Variants in ATP8A2 observed in about 807,000 individuals in gnomAD.
ATP8A2 encodes the protein ATPase phospholipid transporting 8A2.
A neutral mutation model predicts 165.6 loss-of-function variants in ATP8A2; 100 were observed. The ratio of observed to expected loss-of-function variants is 0.60; its 90% CI spans 0.51 to 0.71. The LOEUF (loss-of-function observed/expected upper bound fraction) is 0.71, where lower values mean the gene tolerates loss of function less well. ATP8A2 is among the 30% of genes least tolerant of loss of function. ATP8A2 has a pLI of 0.00. For synonymous variants in ATP8A2, 543 were observed against 548.8 expected (o/e 0.99, Z 0.15); for missense variants, 1,227 against 1,479.5 (o/e 0.83, Z 2.80).
At chr13:25,650,770 A>G (rs1490257118) in intron 24 of ATP8A2, among the ~76,000 whole-genome samples, 1 of 151,910 alleles carries the variant, frequency 6.6e-6, no homozygotes, top group Non-Finnish European at 1.5e-5. Flanking sequence ...TTCTTTTTTA[A>G]TCTTTTGATT....
chr13:25,712,747 T>G (rs2137987049), intron 25 of ATP8A2, among the ~76,000 whole-genome samples: 1 of 152,350 alleles, frequency 6.6e-6, no homozygotes, highest in Middle Eastern at 3.4e-3. Context: ...GAATTTTTAG[T>G]CAACTGGAGT....
chr13:25,679,291 A>G (rs2137796786), intron 24 of ATP8A2, among the ~76,000 whole-genome samples: 2 of 152,284 alleles, frequency 1.3e-5, no homozygotes, highest in East Asian at 3.9e-4. Context: ...AAAAATGGTA[A>G]CAGGACATTC....
chr13:25,718,709 T>G (rs1003648024), intron 25 of ATP8A2, among the ~76,000 whole-genome samples: 8 of 152,206 alleles, frequency 5.3e-5, no homozygotes, highest in Non-Finnish European at 1.2e-4. Context: ...TTAGATTTTT[T>G]TAGCCCCAAA....
At chr13:25,396,746 A>G (rs1233288330) in intron 1 of ATP8A2, among the ~76,000 whole-genome samples, 1 of 152,218 alleles carries the variant, frequency 6.6e-6, no homozygotes, top group African/African-American at 2.4e-5. Flanking sequence ...GCCTGCCACT[A>G]GCAAGTATGC....
intron 1 of ATP8A2, among the ~76,000 whole-genome samples, chr13:25,408,063 G>T (rs2033857541): frequency 9.3e-6 from 1 of 107,060 alleles, no homozygotes; most frequent in South Asian, 3.1e-4. Flanking sequence ...CATGTATCCT[G>T]GAACTTAAAG....
chr13:25,886,204 G>C (rs974955595), intron 33 of ATP8A2, among the ~76,000 whole-genome samples: 2 of 152,198 alleles, frequency 1.3e-5, no homozygotes, highest in African/African-American at 4.8e-5. Context: ...AATGAATACT[G>C]ACATTAAGCT....
intron 15 of ATP8A2, among the ~76,000 whole-genome samples, chr13:25,561,001 C>A (rs1331951382): frequency 1.8e-4 from 28 of 152,022 alleles, no homozygotes; most frequent in Admixed American, 1.8e-3. Context: ...ATTCTCCTGC[C>A]TCAGCCTCCC....
intron 16 of ATP8A2, among the ~76,000 whole-genome samples, chr13:25,565,235 G>A (rs78978904): frequency 0.014 from 2,137 of 152,188 alleles, 48 homozygotes; most frequent in African/African-American, 0.049. Flanking sequence ...TTTCCTCTGG[G>A]TAGATACCTA....
chr13:25,861,185 T>C (rs1202019494), intron 32 of ATP8A2, among the ~76,000 whole-genome samples: 1 of 152,206 alleles, frequency 6.6e-6, no homozygotes, highest in African/African-American at 2.4e-5. Context: ...ATGTCCATAA[T>C]TTTACCACCA....
intron 25 of ATP8A2, among the ~76,000 whole-genome samples, chr13:25,747,768 A>C (rs1239339832): frequency 6.6e-6 from 1 of 152,198 alleles, no homozygotes; most frequent in African/African-American, 2.4e-5. Flanking sequence ...AGATTAGGAC[A>C]GAGTTGCAGT....
intron 25 of ATP8A2, among the ~76,000 whole-genome samples, chr13:25,726,812 A>T (rs901901281): frequency 6.6e-6 from 1 of 152,202 alleles, no homozygotes; most frequent in Non-Finnish European, 1.5e-5. Flanking sequence ...TATAGGAATT[A>T]TCAATTCCAG....
chr13:25,908,174 TTTC>T (rs1448097189), intron 33 of ATP8A2, among the ~76,000 whole-genome samples: 8 of 152,194 alleles, frequency 5.3e-5, no homozygotes, highest in African/African-American at 1.9e-4. Flanking sequence ...GCCCCATGGT[TTTC>T]TACCGAGGCG....
intron 2 of ATP8A2, among the ~76,000 whole-genome samples, chr13:25,489,423 C>G (rs1044180596): frequency 6.6e-6 from 1 of 152,174 alleles, no homozygotes; most frequent in Non-Finnish European, 1.5e-5. Flanking sequence ...GCATCTCCAC[C>G]GTTTGCAGGC....
At chr13:25,857,352 C>T (rs1369741499) in intron 30 of ATP8A2, among the ~76,000 whole-genome samples, 1 of 152,102 alleles carries the variant, frequency 6.6e-6, no homozygotes, top group African/African-American at 2.4e-5. Flanking sequence ...CATGCTATTA[C>T]TCTACCTTAT....
intron 33 of ATP8A2, among the ~76,000 whole-genome samples, chr13:25,948,210 G>A (rs1955262112): frequency 6.6e-6 from 1 of 151,958 alleles, no homozygotes; most frequent in Non-Finnish European, 1.5e-5. Flanking sequence ...GACAGCAGGA[G>A]CAGATCGTAC....
chr13:25,643,840 C>T (rs1321397719), intron 24 of ATP8A2, among the ~76,000 whole-genome samples: 1 of 151,420 alleles, frequency 6.6e-6, no homozygotes, highest in African/African-American at 2.4e-5. Context: ...CTTTAGCATG[C>T]CTTGTGTAGC....
chr13:25,938,173 A>T (rs998055423), intron 33 of ATP8A2, among the ~76,000 whole-genome samples: 1 of 135,602 alleles, frequency 7.4e-6, no homozygotes, highest in African/African-American at 3.0e-5. Flanking sequence ...TGACCTGGTT[A>T]AAAAAAAAAA....
chr13:25,663,130 C>T (rs1280498005), intron 24 of ATP8A2, among the ~76,000 whole-genome samples: 1 of 152,202 alleles, frequency 6.6e-6, no homozygotes, highest in East Asian at 1.9e-4. Flanking sequence ...AGATAACTAT[C>T]TTGGCCCAGA....
chr13:25,486,797 C>A (rs1237095315), intron 2 of ATP8A2, among the ~76,000 whole-genome samples: 1 of 152,082 alleles, frequency 6.6e-6, no homozygotes, highest in Non-Finnish European at 1.5e-5. Context: ...GAAACCCCAT[C>A]TCTATCAAAA....
Sources: allele counts gnomAD v4.1 joint callset (sites outside exome capture counted in the v4.1 genomes callset), GRCh38; gene constraint gnomAD v4.1.1; transcripts MANE v1.5; gene names NCBI Gene and HGNC (gene_info 2026-07-23, HGNC 2026-07-21).